ANXA7: variants seen among roughly 807,000 people sequenced by gnomAD.
The protein encoded by ANXA7 is annexin A7.
In ANXA7, 55 loss-of-function variants were observed where a neutral mutation model predicts 64.9. The ratio of observed to expected loss-of-function variants is 0.85; its 90% confidence interval spans 0.68 to 1.06. The LOEUF (loss-of-function observed/expected upper bound fraction) is 1.06, where lower values mean the gene tolerates loss of function less well. ANXA7 is among the 50% of genes least tolerant of loss of function. The probability of loss-of-function intolerance (pLI) is 0.00; values close to 1 mark genes in which losing one functional copy is unlikely to be tolerated. For synonymous variants in ANXA7, 200 were observed against 192.4 expected, an observed-to-expected ratio of 1.04 and a Z score of -0.33; for missense variants, 548 against 582.1, an observed-to-expected ratio of 0.94 and a Z score of 0.60.
At chr10:73,376,331 C>A in intron 12 of ANXA7, 114 bp from the exon 13 acceptor site, 1 of 1,021,470 alleles carries the variant, frequency 9.8e-7, no homozygotes, top group East Asian at 2.9e-5. Context: ...GGGGAAAACA[C>A]CAAGTGACTG....
chr10:73,383,189 C>G lies in ANXA7; in HGVS notation c.904G>C (p.Val302Leu). Reference sequence around the variant, plus strand: ...ACTATACTCACCTGGCACATGGACACAAGTAAACGTTCAAAATGTCCTGAT... The same window carrying G: ...ACTATACTCACCTGGCACATGGACAGAAGTAAACGTTCAAAATGTCCTGAT... ...DTSGHFERLL[V>L]SMCQGNRDEN... is the part of the protein sequence containing the mutation. Residue 302 changes from valine (V) to leucine (L), a missense_variant, in exon 9 of 13, where the codon GTG becomes CTG. Physicochemically the swap from Val to Leu is conservative, Grantham distance 32. Coordinates refer to ENST00000372921, the MANE Select transcript of ANXA7 (RefSeq NM_001156.5). The G allele has an allele frequency of 6.2e-7, 1 of 1,613,170 alleles. No individual in the cohort carries two copies. Among genetic ancestry groups the G allele is most frequent in the Non-Finnish European group, 8.5e-7 (1 of 1,179,412 alleles).
intron 2 of ANXA7, 118 bp downstream of exon 2, chr10:73,400,685 G>C: frequency 1.4e-6 from 1 of 739,032 alleles, no homozygotes; most frequent in East Asian, 3.1e-5. Context: ...CTTCTACGTA[G>C]TACCTCTGAG....
intron 1 of ANXA7, among the ~76,000 whole-genome samples, chr10:73,406,025 G>A (rs549249757): frequency 1.1e-3 from 172 of 151,370 alleles, no homozygotes; most frequent in African/African-American, 2.2e-3. Context: ...GTGCAATCTC[G>A]GCTCACTGCA....
chr10:73,387,078 AC>A (rs2055385604), intron 7 of ANXA7, among the ~76,000 whole-genome samples: 1 of 152,200 alleles, frequency 6.6e-6, no homozygotes, highest in Non-Finnish European at 1.5e-5. Context: ...CTTGAATCCC[AC>A]TGTAACAGGC....
chr10:73,401,892 A>G (rs1352657920), intron 1 of ANXA7, among the ~76,000 whole-genome samples: 2 of 152,156 alleles, frequency 1.3e-5, no homozygotes, highest in Non-Finnish European at 2.9e-5. Context: ...CACCTGGCTG[A>G]TCTATTTTTC....
At chr10:73,398,674 GAAA>G (rs890400608) in intron 2 of ANXA7, among the ~76,000 whole-genome samples, 1 of 137,692 alleles carries the variant, frequency 7.3e-6, no homozygotes, top group Non-Finnish European at 1.6e-5. Flanking sequence ...AAGGTTTTAA[GAAA>G]AAAAAAAAAC....
chr10:73,413,102 C>T (rs540756571), intron 1 of ANXA7, among the ~76,000 whole-genome samples: 1 of 152,300 alleles, frequency 6.6e-6, no homozygotes, highest in South Asian at 2.1e-4. Flanking sequence ...GGAGAAAGAA[C>T]ATGGAGGCAT....
intron 2 of ANXA7, 21 bp downstream of exon 2, chr10:73,400,782 G>A: frequency 6.3e-7 from 1 of 1,591,058 alleles, no homozygotes; most frequent in Non-Finnish European, 8.6e-7. Flanking sequence ...AGGATGTGAG[G>A]TATTAAGTGG....
At chr10:73,397,301 T>TGTCA in intron 3 of ANXA7, 27 bp from the exon 4 acceptor site, 1 of 1,445,640 alleles carries the variant, frequency 6.9e-7, no homozygotes. Context: ...GTCAATAAAC[T>TGTCA]ATAGTACAGT....
rs780041592 is a variant in ANXA7 at position 73,376,083 on chromosome 10, A to G, written c.*12T>C. 6.5e-6 allele frequency: 10 copies of G among 1,532,736 alleles called. No homozygotes were observed. The highest frequency in any genetic ancestry group is 2.3e-5 in the East Asian group (1 of 42,656). The allele number at this position is 1,532,736 out of a possible 1,614,324, so 94.9% of individuals were successfully genotyped here. ...TAGAAATTTTTTTTCATTAAAAAAA[A>G]AAAAATCCCTCCTACTGGCCCACAA... On this transcript the variant is annotated 3_prime_UTR_variant, in exon 13 of 13. Coordinates refer to ENST00000372921, the MANE Select transcript of ANXA7 (RefSeq NM_001156.5).
intron 1 of ANXA7, among the ~76,000 whole-genome samples, chr10:73,405,777 A>T (rs2055747582): frequency 6.6e-6 from 1 of 152,192 alleles, no homozygotes; most frequent in Admixed American, 6.5e-5. Flanking sequence ...GAGACGGATG[A>T]TCACCAAAAT....
chr10:73,380,580 G>A (rs2055260119), intron 9 of ANXA7, among the ~76,000 whole-genome samples: 1 of 152,020 alleles, frequency 6.6e-6, no homozygotes. Context: ...GGCCTAAAGA[G>A]ATAATTTATT....
rs770490916 is a variant in ANXA7, at chr10:73,398,289, T to C, written c.151A>G (p.Ser51Gly). 4 of 1,614,140 alleles carry C rather than the reference T, an allele frequency of 2.5e-6. No individual in the cohort carries two copies. Among genetic ancestry groups the C allele is most frequent in the Non-Finnish European group, 3.4e-6 (4 of 1,180,026 alleles). The change falls in exon 3 of 13, where the codon AGT becomes GGT. Residue 51 changes from serine to glycine, a missense_variant. By Grantham distance (56) the Ser-to-Gly change is moderately conservative (BLOSUM62 0). Transcript: ENST00000372921. ...CCTCCAGCTCCTGGGTAGCCACTAC[T>C]TGGCACTTGTGGGTAGGCACCTCCT... ...MGGGAYPQVP[S>G]SGYPGAGGYP...
intron 1 of ANXA7, among the ~76,000 whole-genome samples, chr10:73,407,454 C>T (rs1439072253): frequency 6.6e-6 from 1 of 151,916 alleles, no homozygotes; most frequent in Non-Finnish European, 1.5e-5. Flanking sequence ...CAGGATGGGG[C>T]CTGAGATTCT....
chr10:73,413,342 G>A (rs1007451754), intron 1 of ANXA7, among the ~76,000 whole-genome samples: 3 of 152,202 alleles, frequency 2.0e-5, no homozygotes, highest in African/African-American at 7.2e-5. Flanking sequence ...GGCGTTTACG[G>A]CAGTCGGAAG....
At position 73,380,254 on chromosome 10, in the gene ANXA7, T is replaced by C. The variant is rs533773781; in HGVS notation, c.919-53A>G. The C allele has an allele frequency of 2.2e-4, 320 of 1,442,658 alleles. 2 individuals are homozygous for C. In the African/African-American group the frequency reaches 4.0e-3, roughly 18 times the overall value. The allele number at this position is 1,442,658 out of a possible 1,614,324, so 89.4% of individuals were successfully genotyped here. A position where few individuals can be genotyped will look rare whatever the true frequency, so the allele number is the denominator to read the frequency against. On this transcript the variant is annotated intron_variant, in intron 9 of 12. Coordinates refer to ENST00000372921, the MANE Select transcript of ANXA7 (RefSeq NM_001156.5). Reference sequence around the variant, plus strand: ...AGAAATAAATAATAGTTCTACTAAATTTTTTTTTTCCAATCTAGTTCACTT... The same window carrying C: ...AGAAATAAATAATAGTTCTACTAAACTTTTTTTTTCCAATCTAGTTCACTT...
At position 73,392,882 on chromosome 10, in the gene ANXA7, T is replaced by C. The variant is rs368575478; in HGVS notation, c.435+3637A>G. Among the ~76,000 whole-genome samples, 122 of 152,190 alleles carry C rather than the reference T, an allele frequency of 8.0e-4. 1 individual carries two copies. In the East Asian group the frequency reaches 0.023, roughly 28 times the overall value. Reference sequence around the variant, plus strand: ...TCAGGCAGGAGAAAGAAATAAAGGGTATTCAATTAGGAAAAGAGGAAGTCA... The same window carrying C: ...TCAGGCAGGAGAAAGAAATAAAGGGCATTCAATTAGGAAAAGAGGAAGTCA... On this transcript the variant is annotated intron_variant, in intron 5 of 12. Coordinates refer to ENST00000372921, the MANE Select transcript of ANXA7 (RefSeq NM_001156.5).
chr10:73,380,007 A>C (rs754069087), intron 10 of ANXA7, 24 bp downstream of exon 10: 78 of 1,611,550 alleles, frequency 4.8e-5, no homozygotes, highest in Non-Finnish European at 6.4e-5. Flanking sequence ...GCAGAAGCCA[A>C]ATCTTCAAAA....
At chr10:73,397,302 A>G (rs2055591773) in intron 3 of ANXA7, 28 bp from the exon 4 acceptor site, 1 of 1,444,418 alleles carries the variant, frequency 6.9e-7, no homozygotes, top group Admixed American at 1.8e-5. Flanking sequence ...TCAATAAACT[A>G]TAGTACAGTT....
Sources: gnomAD v4.1 joint callset for allele counts (sites outside exome capture counted in the v4.1 genomes callset) on GRCh38, gnomAD v4.1.1 for gene constraint, MANE v1.5 for transcripts, NCBI Gene and HGNC (gene_info 2026-07-23, HGNC 2026-07-21) for gene names.